Variants in ABCB1 observed in about 807,000 individuals in gnomAD.
ABCB1 encodes the protein ATP-dependent translocase ABCB1.
ABCB1 carries 69 observed loss-of-function variants against 142.0 expected under a neutral mutation model. The ratio of observed to expected loss-of-function variants is 0.49; its 90% CI spans 0.40 to 0.59. The LOEUF (loss-of-function observed/expected upper bound fraction) is 0.59. ABCB1 is among the 20% of genes least tolerant of loss of function. The pLI is 0.00. For synonymous variants in ABCB1, 532 were observed against 539.2 expected (o/e 0.99, Z 0.18); for missense variants, 1,326 against 1,554.7 (o/e 0.85, Z 2.47).
In ABCB1 at chr7:87,709,442, C is replaced by T. The variant is rs912825985; in HGVS notation, c.-331+3719G>A. 6.1e-6 allele frequency: 6 copies of T among 985,178 alleles called. No homozygotes were observed. In the African/African-American group the frequency reaches 1.0e-4, roughly 17 times the overall value. The allele number at this position is 985,178 out of a possible 1,614,324, so 61.0% of individuals were successfully genotyped here. A position where few individuals can be genotyped will look rare whatever the true frequency, so the allele number is the denominator to read the frequency against. On this transcript the variant is annotated intron_variant, in intron 1 of 28. Transcript: ENST00000265724. Reference sequence around the variant, plus strand: ...ATCAGCTACAGCTAACTGCAGGTTCCCCTAGGCTTACTCAGAAGGAACAAT... The same window carrying T: ...ATCAGCTACAGCTAACTGCAGGTTCTCCTAGGCTTACTCAGAAGGAACAAT...
At chr7:87,575,384 A>G (rs1419438620) in intron 4 of ABCB1, among the ~76,000 whole-genome samples, 2 of 152,166 alleles carry the variant, frequency 1.3e-5, no homozygotes, top group African/African-American at 2.4e-5. Context: ...CAGACACTGA[A>G]GATAAACCCA....
At chr7:87,576,555 C>A (rs916236384) in intron 4 of ABCB1, among the ~76,000 whole-genome samples, 1 of 151,316 alleles carries the variant, frequency 6.6e-6, no homozygotes, top group Non-Finnish European at 1.5e-5. Flanking sequence ...AAGAACAAGA[C>A]CCAGCAAATA....
intron 1 of ABCB1, chr7:87,628,503 A>C: frequency 3.2e-5 from 7 of 218,040 alleles, no homozygotes; most frequent in East Asian, 9.1e-5. Context: ...TCCCTCGGGA[A>C]GGAGGAGAGC....
intron 1 of ABCB1, among the ~76,000 whole-genome samples, chr7:87,634,634 A>G (rs1821578481): frequency 6.6e-6 from 1 of 152,268 alleles, no homozygotes; most frequent in East Asian, 1.9e-4. Flanking sequence ...TCTCAAAAAA[A>G]AAAGAAAAAA....
upstream of ABCB1, among the ~76,000 whole-genome samples, chr7:87,601,945 T>C (rs1819471302): frequency 6.6e-6 from 1 of 152,254 alleles, no homozygotes; most frequent in South Asian, 2.1e-4. Flanking sequence ...CTTATCTTGA[T>C]ATATTTTGTT....
At chr7:87,560,555 C>T (rs2129773852) in intron 8 of ABCB1, among the ~76,000 whole-genome samples, 1 of 152,210 alleles carries the variant, frequency 6.6e-6, no homozygotes, top group African/African-American at 2.4e-5. Context: ...ATGGCTGTAC[C>T]AAACAATGTA....
chr7:87,640,458 C>G (rs1822316581), intron 1 of ABCB1, among the ~76,000 whole-genome samples: 2 of 152,106 alleles, frequency 1.3e-5, no homozygotes, highest in South Asian at 4.1e-4. Flanking sequence ...TCCAGTGATC[C>G]TCAGCCTCCT....
intron 1 of ABCB1, among the ~76,000 whole-genome samples, chr7:87,654,018 G>A (rs928515469): frequency 3.3e-5 from 5 of 152,010 alleles, no homozygotes; most frequent in Non-Finnish European, 7.4e-5. Context: ...GTTTGCCTGA[G>A]CTGAAGTTTG....
At chr7:87,668,742 C>T (rs550389360) in intron 1 of ABCB1, among the ~76,000 whole-genome samples, 1 of 152,096 alleles carries the variant, frequency 6.6e-6, no homozygotes, top group East Asian at 1.9e-4. Flanking sequence ...TACCCCAAAG[C>T]CACTCAAGAG....
At chr7:87,593,327 T>G (rs540427270) in intron 3 of ABCB1, among the ~76,000 whole-genome samples, 1 of 152,262 alleles carries the variant, frequency 6.6e-6, no homozygotes, top group Non-Finnish European at 1.5e-5. Context: ...TCTACTTTTG[T>G]GTTTCTGTAA....
intron 1 of ABCB1, among the ~76,000 whole-genome samples, chr7:87,622,618 T>C (rs1335131809): frequency 6.6e-6 from 1 of 152,202 alleles, no homozygotes; most frequent in Non-Finnish European, 1.5e-5. Flanking sequence ...GTGATACAGT[T>C]GGTCAGTGTG....
chr7:87,599,551 C>T (rs1358960346), intron 2 of ABCB1, among the ~76,000 whole-genome samples: 1 of 152,078 alleles, frequency 6.6e-6, no homozygotes, highest in African/African-American at 2.4e-5. Flanking sequence ...GAGCATCCGC[C>T]TGTCTGGGGC....
chr7:87,522,943 C>T (rs1815584967), intron 21 of ABCB1, among the ~76,000 whole-genome samples: 1 of 152,086 alleles, frequency 6.6e-6, no homozygotes, highest in Non-Finnish European at 1.5e-5. Context: ...CCTTTAATAT[C>T]ATAACCAATT....
chr7:87,589,328 T>C (rs1440976101), intron 3 of ABCB1, among the ~76,000 whole-genome samples: 2 of 152,190 alleles, frequency 1.3e-5, no homozygotes, highest in Non-Finnish European at 2.9e-5. Flanking sequence ...GCATACAATA[T>C]GCAAATATAT....
chr7:87,660,676 T>G (rs1196680054), intron 1 of ABCB1, among the ~76,000 whole-genome samples: 1 of 151,994 alleles, frequency 6.6e-6, no homozygotes, highest in East Asian at 1.9e-4. Context: ...TTGGCTCTAT[T>G]ATGTTTATGT....
chr7:87,651,152 A>G (rs936596433), intron 1 of ABCB1, among the ~76,000 whole-genome samples: 6 of 152,176 alleles, frequency 3.9e-5, no homozygotes, highest in African/African-American at 1.2e-4. Flanking sequence ...ATTGCCACAT[A>G]CAAGGAGAAA....
chr7:87,514,181 A>G (rs1351442616), intron 25 of ABCB1, among the ~76,000 whole-genome samples: 1 of 152,228 alleles, frequency 6.6e-6, no homozygotes, highest in African/African-American at 2.4e-5. Flanking sequence ...GAGTCATTAA[A>G]TGCTACCAGC....
Position 87,680,750 on chromosome 7 carries a change from G to A in ABCB1, c.-331+32411C>T, listed in dbSNP as rs10274620. Among the ~76,000 whole-genome samples the A allele has an allele frequency of 7.2e-3, 1,084 of 149,804 alleles. 87 individuals are homozygous for A. Among genetic ancestry groups the A allele is most frequent in the African/African-American group, 0.025 (1,024 of 40,228 alleles). On this transcript the variant is annotated intron_variant, in intron 1 of 28. Transcript: ENST00000265724. ...GCGGAGGGTGCAGTGAGCCAAGATC[G>A]CGCCATTGCACTCCAGCTTGGGCAA...
At chr7:87,588,971 T>C (rs1203514425) in intron 3 of ABCB1, among the ~76,000 whole-genome samples, 1 of 152,248 alleles carries the variant, frequency 6.6e-6, no homozygotes, top group African/African-American at 2.4e-5. Context: ...TCATGTCCTT[T>C]GCCCATCTTT....
Sources: gnomAD v4.1 joint callset for allele counts (sites outside exome capture counted in the v4.1 genomes callset) on GRCh38, gnomAD v4.1.1 for gene constraint, MANE v1.5 for transcripts, NCBI Gene and HGNC (gene_info 2026-07-23, HGNC 2026-07-21) for gene names.